B3GALNT2: variants seen among roughly 807,000 people sequenced by gnomAD.
B3GALNT2 encodes beta-1,3-N-acetylgalactosaminyltransferase 2, also known as UDP-GalNAc:beta-1,3-N-acetylgalactosaminyltransferase 2.
B3GALNT2 carries 53 observed loss-of-function variants against 61.1 expected under a neutral mutation model. The observed-to-expected ratio is 0.87, with a 90% confidence interval of 0.70 to 1.09. The LOEUF (loss-of-function observed/expected upper bound fraction) is 1.09. Ranked by LOEUF, B3GALNT2 falls within the 50% of genes least tolerant of loss-of-function variation. The pLI is 0.00. For synonymous variants in B3GALNT2, 223 were observed against 237.4 expected (o/e 0.94, Z 0.56); for missense variants, 544 against 623.0 (o/e 0.87, Z 1.35).
At chr1:235,465,604 T>C in intron 7 of B3GALNT2, 32 bp downstream of exon 7, 1 of 1,611,876 alleles carries the variant, frequency 6.2e-7, no homozygotes, top group Non-Finnish European at 8.5e-7. Flanking sequence ...AGACATTCAG[T>C]GTACTTTTCA....
In B3GALNT2 at chr1:235,494,839, GAAC is replaced by G. The variant is rs770476487; in HGVS notation, c.113-14_113-12del. ...ATAAGGCCAACTGATCTAGAAATAA[GAAC>G]AATACATGAGAAATAAGTCATGTAT... On this transcript the variant is annotated splice_polypyrimidine_tract_variant and intron_variant, in intron 1 of 11. Coordinates refer to ENST00000366600, the MANE Select transcript of B3GALNT2 (RefSeq NM_152490.5). The G allele has an allele frequency of 3.8e-6, 6 of 1,588,366 alleles. No homozygotes were observed. In the Admixed American group the frequency reaches 8.5e-5, roughly 22 times the overall value.
At chr1:235,444,212 T>A (rs570563869), downstream of B3GALNT2, among the ~76,000 whole-genome samples, 1 of 152,322 alleles carries the variant, frequency 6.6e-6, no homozygotes, top group African/African-American at 2.4e-5. Context: ...CCATTTAATT[T>A]ACCACAACGT....
intron 4 of B3GALNT2, among the ~76,000 whole-genome samples, 173 bp downstream of exon 4, chr1:235,484,149 A>G (rs1320990119): frequency 6.6e-6 from 1 of 152,140 alleles, no homozygotes; most frequent in East Asian, 1.9e-4. Context: ...TCTATCCCCA[A>G]ACCAGTCTTA....
chr1:235,492,725 G>A (rs1685127940), intron 2 of B3GALNT2, among the ~76,000 whole-genome samples: 1 of 152,168 alleles, frequency 6.6e-6, no homozygotes, highest in South Asian at 2.1e-4. Context: ...ACTAAGGGAA[G>A]ACACAAACAA....
intron 4 of B3GALNT2, among the ~76,000 whole-genome samples, chr1:235,482,807 A>G (rs914788462): frequency 2.0e-5 from 3 of 152,114 alleles, no homozygotes; most frequent in African/African-American, 7.2e-5. Flanking sequence ...AGCTCAGGTA[A>G]AAGAGCGAGA....
In B3GALNT2 at chr1:235,448,755, G is replaced by C. The variant is rs140662460; in HGVS notation, c.*1451C>G. ...GAAAATGGAGATTGTCTATTAGTGC[G>C]ATGGTGACAACCAACTAATAAAATT... On this transcript the variant is annotated 3_prime_UTR_variant, in exon 12 of 12. Transcript: ENST00000366600. The C allele has an allele frequency of 6.2e-7, 1 of 1,610,870 alleles. No individual in the cohort carries two copies.
intron 7 of B3GALNT2, among the ~76,000 whole-genome samples, chr1:235,460,713 C>G (rs1683382992): frequency 6.6e-6 from 1 of 151,616 alleles, no homozygotes; most frequent in African/African-American, 2.4e-5. Flanking sequence ...AGCTGGTACT[C>G]CCGGCACCTG....
Position 235,452,952 on chromosome 1 carries a change from A to G in B3GALNT2, c.1368+138T>C. 3 of 741,358 alleles carry G rather than the reference A, an allele frequency of 4.0e-6. No individual in the cohort carries two copies. In the South Asian group the frequency reaches 5.9e-5, roughly 15 times the overall value. 45.9% of individuals were successfully genotyped at this position (741,358 alleles called of 1,614,324 possible). ...ATGTGCAACTTCTAAGTATAATGCA[A>G]TTATTCTAAAATCCAAAAAAATCTG... is the stretch of plus-strand genomic sequence containing the variant. On this transcript the variant is annotated intron_variant, in intron 11 of 11. Transcript: ENST00000366600.
At position 235,449,768 on chromosome 1, in the gene B3GALNT2, T is replaced by G. The variant is rs965498622; in HGVS notation, c.*438A>C. ...ATCACACAGCATTCCTGTGAGTTCC[T>G]TTTTGTCTGATAATTATCCTAATTA... On this transcript the variant is annotated 3_prime_UTR_variant, in exon 12 of 12. Coordinates refer to ENST00000366600, the MANE Select transcript of B3GALNT2 (RefSeq NM_152490.5). 1 of 154,086 alleles carries G rather than the reference T, an allele frequency of 6.5e-6. No individual in the cohort carries two copies. The highest frequency in any genetic ancestry group is 2.4e-5 in the African/African-American group (1 of 41,418). 9.5% of individuals were successfully genotyped at this position (154,086 alleles called of 1,614,324 possible).
At chr1:235,454,371 A>G (rs1683069228) in intron 9 of B3GALNT2, 56 bp from the exon 10 acceptor site, 3 of 1,475,416 alleles carry the variant, frequency 2.0e-6, no homozygotes, top group Non-Finnish European at 2.8e-6. Context: ...TCCTGCCACT[A>G]TTAAAACTTG....
At chr1:235,460,364 G>C (rs193230313) in intron 7 of B3GALNT2, among the ~76,000 whole-genome samples, 10 of 146,004 alleles carry the variant, frequency 6.8e-5, no homozygotes, top group Non-Finnish European at 1.4e-4. Context: ...GGCTGGTCTC[G>C]AACTCCTAAC....
chr1:235,493,101 G>A (rs1572554579), intron 2 of B3GALNT2, among the ~76,000 whole-genome samples: 1 of 152,288 alleles, frequency 6.6e-6, no homozygotes, highest in Non-Finnish European at 1.5e-5. Flanking sequence ...TTCAGAGAAG[G>A]GGACTTCTGC....
downstream of B3GALNT2, among the ~76,000 whole-genome samples, chr1:235,444,489 T>A (rs1249467206): frequency 6.6e-6 from 1 of 152,154 alleles, no homozygotes; most frequent in African/African-American, 2.4e-5. Flanking sequence ...CTCCATCACC[T>A]TGATCCCGGG....
Position 235,504,156 on chromosome 1 carries a change from C to A in B3GALNT2, c.97G>T (p.Gly33Trp). 1 of 1,289,044 alleles carries A rather than the reference C, an allele frequency of 7.8e-7. No individual in the cohort carries two copies. Among genetic ancestry groups the A allele is most frequent in the Non-Finnish European group, 9.8e-7 (1 of 1,024,284 alleles). The allele number at this position is 1,289,044 out of a possible 1,614,324, so 79.9% of individuals were successfully genotyped here. Residue 33 changes from glycine to tryptophan, a missense_variant, in exon 1 of 12, where the codon GGG becomes TGG. Physicochemically the swap from Gly to Trp is radical, Grantham distance 184. Transcript: ENST00000366600. ...LRSPPPACAS[G>W]AGPADQLALF... ...AGGACCTCACCTGCAGGGCCGGCCC[C>A]GGAGGCGCAGGCGGGCGGCGGGGAG...
intron 8 of B3GALNT2, among the ~76,000 whole-genome samples, chr1:235,457,138 A>C (rs1683202911): frequency 7.6e-6 from 1 of 131,790 alleles, no homozygotes; most frequent in Admixed American, 7.7e-5. Flanking sequence ...AAATAAATAA[A>C]TAATTTGCCC....
intron 5 of B3GALNT2, among the ~76,000 whole-genome samples, chr1:235,473,204 C>A (rs1351794625): frequency 6.6e-6 from 1 of 152,198 alleles, no homozygotes; most frequent in East Asian, 1.9e-4. Context: ...TGAGCCACCG[C>A]CCAACCTTTC....
downstream of B3GALNT2, among the ~76,000 whole-genome samples, chr1:235,446,854 T>TTTTA (rs1349618415): frequency 6.6e-6 from 1 of 152,040 alleles, no homozygotes; most frequent in African/African-American, 2.4e-5. Context: ...TTGGCTAATT[T>TTTTA]TTTATTTTTT....
At chr1:235,502,373 G>A (rs982236128) in intron 1 of B3GALNT2, among the ~76,000 whole-genome samples, 9 of 151,180 alleles carry the variant, frequency 6.0e-5, no homozygotes, top group African/African-American at 1.5e-4. Context: ...AAACCACCAT[G>A]GCACACGTTT....
chr1:235,442,817 A>G (rs374630204), downstream of B3GALNT2: 49 of 1,594,524 alleles, frequency 3.1e-5, no homozygotes, highest in African/African-American at 5.4e-4. Context: ...ATAATAGTAG[A>G]TATCAATTAG....
Sources: allele counts gnomAD v4.1 joint callset (sites outside exome capture counted in the v4.1 genomes callset), GRCh38; gene constraint gnomAD v4.1.1; transcripts MANE v1.5; gene names NCBI Gene and HGNC (gene_info 2026-07-23, HGNC 2026-07-21).